Variants in SYN3 observed in about 807,000 individuals in gnomAD.
SYN3 encodes the protein synapsin-3.
A neutral mutation model predicts 65.8 loss-of-function variants in SYN3; 35 were observed. The observed-to-expected ratio is 0.53, with a 90% confidence interval of 0.41 to 0.70. SYN3 has a LOEUF of 0.70. Ranked by LOEUF, SYN3 falls within the 30% of genes least tolerant of loss-of-function variation. The pLI is 0.00. For missense variants in SYN3, 680 were observed against 749.0 expected (o/e 0.91, Z 1.08); for synonymous variants, 270 against 292.9 (o/e 0.92, Z 0.80).
At chr22:32,812,005 G>A (rs912325838) in intron 6 of SYN3, among the ~76,000 whole-genome samples, 1 of 152,204 alleles carries the variant, frequency 6.6e-6, no homozygotes, top group African/African-American at 2.4e-5. Flanking sequence ...TGGCATGGAG[G>A]AGGAGCACTG....
intron 6 of SYN3, among the ~76,000 whole-genome samples, chr22:32,604,972 C>T (rs1198724044): frequency 6.9e-6 from 1 of 144,840 alleles, no homozygotes; most frequent in Non-Finnish European, 1.5e-5. Context: ...CGCCACTGCA[C>T]ACCAGCCTGG....
intron 1 of SYN3, among the ~76,000 whole-genome samples, chr22:33,049,841 CAAGG>C (rs1229923630): frequency 2.1e-4 from 32 of 152,258 alleles, no homozygotes; most frequent in African/African-American, 7.7e-4. Flanking sequence ...TGAGCCTGCT[CAAGG>C]AAAGTGACCA....
intron 10 of SYN3, 50 bp downstream of exon 10, chr22:32,533,743 A>C (rs2058115585): frequency 1.5e-6 from 2 of 1,353,138 alleles, no homozygotes; most frequent in Admixed American, 3.4e-5. Flanking sequence ...TCCCCCTGGC[A>C]CGCCTGCCAG....
intron 6 of SYN3, among the ~76,000 whole-genome samples, chr22:32,809,338 T>C (rs2046848071): frequency 6.6e-6 from 1 of 152,248 alleles, no homozygotes; most frequent in Admixed American, 6.5e-5. Context: ...CATGAGTCTT[T>C]GGCTCCCCAC....
chr22:32,740,777 G>A (rs1005319360), intron 6 of SYN3, among the ~76,000 whole-genome samples: 3 of 152,172 alleles, frequency 2.0e-5, no homozygotes, highest in Non-Finnish European at 4.4e-5. Context: ...GATGAGGTGG[G>A]CTGCCCAGGA....
At chr22:32,825,130 G>A (rs242084) in intron 6 of SYN3, among the ~76,000 whole-genome samples, 138,153 of 151,830 alleles carry the variant, frequency 0.91, 62,920 homozygotes, top group Middle Eastern at 0.94. Flanking sequence ...GGTAGGGACA[G>A]GGGCAGTGGG....
chr22:32,734,636 C>T (rs919209233), intron 6 of SYN3, among the ~76,000 whole-genome samples: 15 of 152,266 alleles, frequency 9.9e-5, no homozygotes, highest in African/African-American at 3.6e-4. Context: ...AGGATAAAGA[C>T]GACACACAGA....
intron 6 of SYN3, among the ~76,000 whole-genome samples, chr22:32,771,251 T>C (rs1260873041): frequency 6.6e-6 from 1 of 152,240 alleles, no homozygotes; most frequent in Non-Finnish European, 1.5e-5. Context: ...TTCTTTTTTA[T>C]GGCTGCATAG....
At chr22:32,561,762 T>C (rs754307262) in intron 7 of SYN3, among the ~76,000 whole-genome samples, 12 of 152,186 alleles carry the variant, frequency 7.9e-5, no homozygotes, top group Non-Finnish European at 1.3e-4. Context: ...TGGAATCTAC[T>C]CTGCTTCTGA....
chr22:32,700,281 A>AT (rs1172570966), intron 6 of SYN3, among the ~76,000 whole-genome samples: 2 of 152,082 alleles, frequency 1.3e-5, no homozygotes, highest in Admixed American at 1.3e-4. Flanking sequence ...AATCTGAGAG[A>AT]TTTTGCCCAA....
chr22:32,586,866 A>G (rs946362360), intron 7 of SYN3, among the ~76,000 whole-genome samples: 4 of 152,106 alleles, frequency 2.6e-5, no homozygotes, highest in Non-Finnish European at 4.4e-5. Context: ...CACAGTGCCT[A>G]AAGTCTTCAT....
At chr22:32,598,828 TACCCTG>T (rs1226736558) in intron 6 of SYN3, among the ~76,000 whole-genome samples, 1 of 152,046 alleles carries the variant, frequency 6.6e-6, no homozygotes, top group Non-Finnish European at 1.5e-5. Flanking sequence ...AAATTTACCA[TACCCTG>T]GTGTCTATGG....
intron 6 of SYN3, among the ~76,000 whole-genome samples, chr22:32,702,409 C>A (rs913600260): frequency 6.6e-6 from 1 of 152,072 alleles, no homozygotes; most frequent in Non-Finnish European, 1.5e-5. Context: ...ACCCGGGAGG[C>A]GGAGCTTGCA....
At chr22:33,002,879 T>C (rs2053100920) in intron 2 of SYN3, among the ~76,000 whole-genome samples, 1 of 152,186 alleles carries the variant, frequency 6.6e-6, no homozygotes, top group African/African-American at 2.4e-5. Context: ...TCTTAAACTG[T>C]AGTTCCCATA....
chr22:32,836,263 G>A (rs2047727419), intron 6 of SYN3, among the ~76,000 whole-genome samples: 1 of 152,198 alleles, frequency 6.6e-6, no homozygotes, highest in Admixed American at 6.5e-5. Context: ...CTGGCACATA[G>A]TAAGTGCTCA....
At chr22:32,969,179 T>C (rs1314659864) in intron 3 of SYN3, among the ~76,000 whole-genome samples, 1 of 152,180 alleles carries the variant, frequency 6.6e-6, no homozygotes, top group East Asian at 1.9e-4. Flanking sequence ...TGGACTCCCT[T>C]TGACTCCCAT....
chr22:33,038,851 A>G (rs1894536), intron 1 of SYN3, among the ~76,000 whole-genome samples: 79,297 of 152,052 alleles, frequency 0.52, 22,989 homozygotes, highest in African/African-American at 0.8. Flanking sequence ...AGTGCACTAC[A>G]AAACCCTGGC....
intron 6 of SYN3, among the ~76,000 whole-genome samples, chr22:32,847,697 G>GTGTGTT (rs991949929): frequency 8.5e-5 from 13 of 152,344 alleles, no homozygotes; most frequent in African/African-American, 2.6e-4. Context: ...ATGTGTGTGT[G>GTGTGTT]TGTGTTTGTG....
intron 4 of SYN3, among the ~76,000 whole-genome samples, chr22:32,881,244 G>T (rs923257408): frequency 6.6e-6 from 1 of 152,316 alleles, no homozygotes; most frequent in South Asian, 2.1e-4. Flanking sequence ...AGTGGGGGAA[G>T]GGGAAAGCCC....
Sources: gnomAD v4.1 joint callset for allele counts (sites outside exome capture counted in the v4.1 genomes callset) on GRCh38, gnomAD v4.1.1 for gene constraint, MANE v1.5 for transcripts, NCBI Gene and HGNC (gene_info 2026-07-23, HGNC 2026-07-21) for gene names.